The following SPINK8 variants were observed in gnomAD, a reference collection of about 807,000 sequenced individuals.
The protein encoded by SPINK8 is serine protease inhibitor Kazal-type 8.
In SPINK8, 12 loss-of-function variants were observed where a neutral mutation model predicts 14.4. The ratio of observed to expected loss-of-function variants is 0.83; its 90% CI spans 0.53 to 1.35. SPINK8 has a LOEUF of 1.35. SPINK8 is among the 40% of genes most tolerant of loss of function. The pLI is 0.00. For missense variants in SPINK8, 103 were observed against 117.0 expected (o/e 0.88, Z 0.55); for synonymous variants, 32 against 37.6 (o/e 0.85, Z 0.55).
intron 4 of SPINK8, among the ~76,000 whole-genome samples, chr3:48,327,802 G>A (rs1242735788): frequency 6.6e-6 from 1 of 152,136 alleles, no homozygotes; most frequent in African/African-American, 2.4e-5. Flanking sequence ...GAAAGTAAGA[G>A]ATTGAAGACA....
intron 7 of SPINK8, among the ~76,000 whole-genome samples, chr3:48,307,538 CCCA>C (rs1206208454): frequency 0.024 from 2,105 of 86,122 alleles, 58 homozygotes; most frequent in Middle Eastern, 0.06. Flanking sequence ...CTATCTGCCC[CCCA>C]CCCCCCCACC....
intron 6 of SPINK8, among the ~76,000 whole-genome samples, chr3:48,311,341 A>G (rs964705977): frequency 1.2e-4 from 18 of 152,226 alleles, no homozygotes; most frequent in Non-Finnish European, 2.4e-4. Context: ...CAAGACATGA[A>G]TACCTGCTTT....
chr3:48,308,453 A>C (rs1456674002), intron 7 of SPINK8, among the ~76,000 whole-genome samples: 1 of 152,192 alleles, frequency 6.6e-6, no homozygotes. Context: ...TGGCACAATT[A>C]ATGTTTACAT....
In SPINK8 at chr3:48,307,018, T is replaced by A; in HGVS notation, c.283-15A>T. 6.2e-7 allele frequency: 1 copy of A among 1,612,750 alleles called. No individual in the cohort carries two copies. The highest frequency in any genetic ancestry group is 8.5e-7 in the Non-Finnish European group (1 of 1,179,248). On this transcript the variant is annotated splice_polypyrimidine_tract_variant and intron_variant, in intron 7 of 7. Coordinates refer to ENST00000434006, the MANE Select transcript of SPINK8 (RefSeq NM_001080525.3). ...CAAGAGTTTTCCTGCAAGAGAAGTA[T>A]CTGCTTAGAGAAATCAAATTTGAGG...
intron 6 of SPINK8, among the ~76,000 whole-genome samples, chr3:48,315,719 T>TCAAAAAAAAA (rs2035979668): frequency 5.7e-5 from 1 of 17,540 alleles, no homozygotes; most frequent in African/African-American, 2.8e-4. Flanking sequence ...AGACTCCATC[T>TCAAAAAAAAA]CAAAAAAAAA....
intron 4 of SPINK8, among the ~76,000 whole-genome samples, chr3:48,326,063 C>T (rs1319903217): frequency 1.3e-5 from 2 of 151,982 alleles, no homozygotes; most frequent in Non-Finnish European, 2.9e-5. Flanking sequence ...GCCTCTGGGA[C>T]TCACTTTCCT....
chr3:48,308,215 C>T (rs928168100), intron 7 of SPINK8, among the ~76,000 whole-genome samples: 5 of 151,952 alleles, frequency 3.3e-5, no homozygotes, highest in African/African-American at 9.7e-5. Flanking sequence ...ACCTTGTGAT[C>T]CGCCTGCCTT....
intron 6 of SPINK8, among the ~76,000 whole-genome samples, chr3:48,314,536 G>C (rs933460278): frequency 6.6e-6 from 1 of 152,110 alleles, no homozygotes; most frequent in South Asian, 2.1e-4. Flanking sequence ...CATCTGGAGG[G>C]AGAAGACTGG....
In SPINK8 at chr3:48,306,993, C is replaced by T; in HGVS notation, c.293G>A (p.Ter98=). ...KLYDGQCENS[*] Reference sequence around the variant, plus strand: ...GTTTTATAATTCTTTGTCGTACGTTCAAGAGTTTTCCTGCAAGAGAAGTAT... The same window carrying T: ...GTTTTATAATTCTTTGTCGTACGTTTAAGAGTTTTCCTGCAAGAGAAGTAT... Residue 98 remains the stop codon, a stop_retained_variant, in exon 8 of 8, where the codon TGA becomes TAA. Transcript: ENST00000434006. 2 of 1,613,102 alleles carry T rather than the reference C, an allele frequency of 1.2e-6. No homozygotes were observed. The highest frequency in any genetic ancestry group is 1.1e-5 in the South Asian group (1 of 90,830).
intron 6 of SPINK8, among the ~76,000 whole-genome samples, chr3:48,318,170 T>C (rs1398108189): frequency 6.6e-6 from 1 of 152,194 alleles, no homozygotes; most frequent in Admixed American, 6.5e-5. Flanking sequence ...AGACGGAGTC[T>C]TGCTTTATCT....
intron 4 of SPINK8, 147 bp downstream of exon 4, chr3:48,328,128 C>A: frequency 1.6e-6 from 1 of 640,942 alleles, no homozygotes; most frequent in East Asian, 3.1e-5. Flanking sequence ...TGTATGAATC[C>A]TTTCTCTGGG....
intron 6 of SPINK8, among the ~76,000 whole-genome samples, chr3:48,312,891 C>T (rs558225960): frequency 9.5e-5 from 14 of 148,028 alleles, no homozygotes; most frequent in East Asian, 4.1e-4. Flanking sequence ...CCAGCTACTC[C>T]GGAGGCTGAG....
In SPINK8 at chr3:48,319,573, T is replaced by C. The variant is rs772536194; in HGVS notation, c.163A>G (p.Ile55Val). 1.9e-6 allele frequency: 3 copies of C among 1,613,992 alleles called. No individual in the cohort carries two copies. The highest frequency in any genetic ancestry group is 2.5e-6 in the Non-Finnish European group (3 of 1,179,874). The change falls in exon 6 of 8, where the codon ATC (isoleucine) becomes GTC (valine). Residue 55 changes from isoleucine (I) to valine (V), a missense_variant. Coordinates refer to ENST00000434006, the MANE Select transcript of SPINK8 (RefSeq NM_001080525.3). ...NVNKCWFLSY[I>V]KPSEPICGSD... The stretch of plus-strand genomic sequence containing the variant: ...CCACAAATAGGTTCACTGGGCTTGA[T>C]GTAGGATAAAAACCAGCACTTATTT...
chr3:48,318,363 A>C (rs2036022763), intron 6 of SPINK8, among the ~76,000 whole-genome samples: 1 of 151,854 alleles, frequency 6.6e-6, no homozygotes, highest in African/African-American at 2.4e-5. Context: ...CTGGTCTCGA[A>C]CTCCTGACCT....
chr3:48,323,932 T>A (rs2036107274), intron 4 of SPINK8, among the ~76,000 whole-genome samples: 2 of 80,650 alleles, frequency 2.5e-5, no homozygotes, highest in African/African-American at 7.4e-5. Context: ...GTACTTCAAC[T>A]TTTTTTTTTT....
chr3:48,307,533 TG>T (rs2035865748), intron 7 of SPINK8, among the ~76,000 whole-genome samples: 4 of 132,580 alleles, frequency 3.0e-5, no homozygotes, highest in Admixed American at 7.7e-5. Flanking sequence ...CCTCCCTATC[TG>T]CCCCCCACCC....
intron 6 of SPINK8, among the ~76,000 whole-genome samples, chr3:48,311,767 T>C (rs1162821526): frequency 6.6e-6 from 1 of 152,142 alleles, no homozygotes; most frequent in Non-Finnish European, 1.5e-5. Flanking sequence ...TGACATCCCA[T>C]GCTCACTGAC....
chr3:48,319,381 T>A (rs1575343891), intron 6 of SPINK8, 116 bp downstream of exon 6: 2 of 1,195,232 alleles, frequency 1.7e-6, no homozygotes, highest in East Asian at 4.7e-5. Context: ...ACTGGAGGAA[T>A]GTCTGGAGAG....
intron 6 of SPINK8, among the ~76,000 whole-genome samples, chr3:48,318,953 T>C (rs935939100): frequency 2.6e-5 from 4 of 152,346 alleles, no homozygotes; most frequent in Non-Finnish European, 4.4e-5. Context: ...ACTATTCCCC[T>C]TGGGCTAAAC....
Sources: allele counts gnomAD v4.1 joint callset (sites outside exome capture counted in the v4.1 genomes callset), GRCh38; gene constraint gnomAD v4.1.1; transcripts MANE v1.5; gene names NCBI Gene and HGNC (gene_info 2026-07-23, HGNC 2026-07-21).